The following PDE4B variants were observed in gnomAD, a reference collection of about 807,000 sequenced individuals.
PDE4B encodes 3',5'-cyclic-AMP phosphodiesterase 4B.
In PDE4B, 20 loss-of-function variants were observed where a neutral mutation model predicts 82.2. The observed-to-expected ratio is 0.24, with a 90% CI of 0.17 to 0.35. PDE4B has a LOEUF of 0.35. Ranked by LOEUF, PDE4B falls within the 10% of genes least tolerant of loss-of-function variation. PDE4B has a pLI of 1.00. For synonymous variants in PDE4B, 320 were observed against 318.9 expected (o/e 1.00, Z -0.04); for missense variants, 655 against 907.2 (o/e 0.72, Z 3.57).
At chr1:65,875,163 A>G (rs1646624701) in intron 1 of PDE4B, among the ~76,000 whole-genome samples, 1 of 152,178 alleles carries the variant, frequency 6.6e-6, no homozygotes, top group Non-Finnish European at 1.5e-5. Context: ...AACTTCTCAA[A>G]AGAAGACATT....
At chr1:66,314,402 TTTTTG>T (rs762446258) in intron 7 of PDE4B, among the ~76,000 whole-genome samples, 1 of 152,078 alleles carries the variant, frequency 6.6e-6, no homozygotes, top group Non-Finnish European at 1.5e-5. Flanking sequence ...CTGTTTTTTG[TTTTTG>T]TTTTGTTTTG....
At chr1:65,922,642 T>C (rs753072561) in intron 3 of PDE4B, among the ~76,000 whole-genome samples, 61 of 152,148 alleles carry the variant, frequency 4.0e-4, no homozygotes, top group Non-Finnish European at 7.6e-4. Context: ...ACTTGTAGCA[T>C]GGAGGATCTG....
At chr1:66,224,357 C>T (rs552256906) in intron 3 of PDE4B, among the ~76,000 whole-genome samples, 5 of 152,140 alleles carry the variant, frequency 3.3e-5, no homozygotes, top group East Asian at 3.9e-4. Flanking sequence ...GGCAAAATTT[C>T]GGAGCTGGTC....
At chr1:66,339,825 T>C (rs901372335) in intron 8 of PDE4B, among the ~76,000 whole-genome samples, 2 of 140,952 alleles carry the variant, frequency 1.4e-5, no homozygotes, top group Non-Finnish European at 3.0e-5. Context: ...AATTGTTTAG[T>C]TTTTTTTTGT....
chr1:65,870,148 G>T (rs1646557049), intron 1 of PDE4B, among the ~76,000 whole-genome samples: 1 of 152,084 alleles, frequency 6.6e-6, no homozygotes, highest in Non-Finnish European at 1.5e-5. Flanking sequence ...AGAGAGTATT[G>T]TTTCCCAAGA....
At chr1:65,957,763 T>A (rs1406650752) in intron 3 of PDE4B, among the ~76,000 whole-genome samples, 1 of 152,086 alleles carries the variant, frequency 6.6e-6, no homozygotes, top group Non-Finnish European at 1.5e-5. Flanking sequence ...TTTGTTACAT[T>A]ACTTCACTTT....
intron 3 of PDE4B, among the ~76,000 whole-genome samples, chr1:66,176,385 C>A (rs1053233714): frequency 6.6e-6 from 1 of 152,252 alleles, no homozygotes; most frequent in Non-Finnish European, 1.5e-5. Context: ...GAGATCACAG[C>A]TACCCAAAGC....
At position 65,935,820 on chromosome 1, in the gene PDE4B, C is replaced by G. The variant is rs182488135; in HGVS notation, c.281+16985C>G. On this transcript the variant is annotated intron_variant, in intron 3 of 16. Transcript: ENST00000341517. ...GCCATGGTGGCATATGCCTGTAATCCCAGCTACTCAGGAGGCTGAGGCAGG... is the reference window on the plus strand; with the variant it reads ...GCCATGGTGGCATATGCCTGTAATCGCAGCTACTCAGGAGGCTGAGGCAGG... Among the ~76,000 whole-genome samples the G allele has an allele frequency of 2.6e-5, 4 of 152,008 alleles. No individual in the cohort carries two copies. In the East Asian group the frequency reaches 7.7e-4, roughly 29 times the overall value.
At chr1:66,187,978 A>G (rs1400348127) in intron 3 of PDE4B, among the ~76,000 whole-genome samples, 1 of 148,956 alleles carries the variant, frequency 6.7e-6, no homozygotes. Flanking sequence ...ATTTAGTGCT[A>G]TAAATTTCCC....
chr1:65,945,881 C>A (rs1251728066), intron 3 of PDE4B, among the ~76,000 whole-genome samples: 1 of 151,980 alleles, frequency 6.6e-6, no homozygotes, highest in African/African-American at 2.4e-5. Context: ...TGCCTCTTAC[C>A]CAGACCTTTT....
chr1:65,950,071 A>G (rs1648915789), intron 3 of PDE4B, among the ~76,000 whole-genome samples: 1 of 152,086 alleles, frequency 6.6e-6, no homozygotes, highest in Non-Finnish European at 1.5e-5. Context: ...AATAGTGCCT[A>G]GGAGTTCCTG....
At chr1:65,847,608 A>G (rs1321607293) in intron 1 of PDE4B, among the ~76,000 whole-genome samples, 4 of 152,214 alleles carry the variant, frequency 2.6e-5, no homozygotes, top group Non-Finnish European at 4.4e-5. Flanking sequence ...GTGAGTTGTC[A>G]TGATTTTCTG....
At chr1:66,234,388 A>T (rs907037025) in intron 3 of PDE4B, among the ~76,000 whole-genome samples, 18 of 152,256 alleles carry the variant, frequency 1.2e-4, no homozygotes, top group African/African-American at 3.4e-4. Flanking sequence ...TCCCGGGTTC[A>T]AGTGATTCTC....
intron 1 of PDE4B, among the ~76,000 whole-genome samples, chr1:65,799,553 A>G (rs2101158218): frequency 6.6e-6 from 1 of 152,256 alleles, no homozygotes; most frequent in African/African-American, 2.4e-5. Flanking sequence ...GATTCCTAGG[A>G]AAGACCTCCA....
At chr1:66,358,803 A>C (rs1345028541) in intron 9 of PDE4B, among the ~76,000 whole-genome samples, 2 of 152,206 alleles carry the variant, frequency 1.3e-5, no homozygotes, top group African/African-American at 4.8e-5. Context: ...GAAGAGCAAT[A>C]TTTCAATAAA....
intron 3 of PDE4B, among the ~76,000 whole-genome samples, chr1:66,146,173 CTTTTTTTTTTTTTTTTTTT>C (rs36027532): frequency 2.0e-5 from 1 of 49,230 alleles, no homozygotes; most frequent in Non-Finnish European, 3.6e-5. Flanking sequence ...GGGTAGCATG[CTTTTTTTTTTTTTTTTTTT>C]TTTTTTTTTG....
chr1:66,017,104 G>A (rs996954332), intron 3 of PDE4B, among the ~76,000 whole-genome samples: 62 of 152,164 alleles, frequency 4.1e-4, no homozygotes, highest in African/African-American at 1.5e-3. Flanking sequence ...GCCTATATAA[G>A]CAATTCTTTG....
At chr1:66,155,696 G>A (rs1042272497) in intron 3 of PDE4B, among the ~76,000 whole-genome samples, 1 of 151,814 alleles carries the variant, frequency 6.6e-6, no homozygotes, top group African/African-American at 2.4e-5. Flanking sequence ...GCTAGGTACT[G>A]GCAATACCAT....
chr1:65,948,689 C>T (rs1231825602), intron 3 of PDE4B, among the ~76,000 whole-genome samples: 4 of 152,014 alleles, frequency 2.6e-5, no homozygotes, highest in Non-Finnish European at 5.9e-5. Context: ...AAGTTGGACT[C>T]AGTATTAACT....
Sources: allele counts gnomAD v4.1 joint callset (sites outside exome capture counted in the v4.1 genomes callset), GRCh38; gene constraint gnomAD v4.1.1; transcripts MANE v1.5; gene names NCBI Gene and HGNC (gene_info 2026-07-23, HGNC 2026-07-21).